The following TOGARAM2 variants were observed in gnomAD, a reference collection of about 807,000 sequenced individuals.
The protein encoded by TOGARAM2 is TOG array regulator of axonemal microtubules 2, also known as TOG array regulator of axonemal microtubules protein 2.
TOGARAM2 carries 85 observed loss-of-function variants against 93.3 expected under a neutral mutation model. The ratio of observed to expected loss-of-function variants is 0.91; its 90% CI spans 0.76 to 1.09. The LOEUF is 1.09. Ranked by LOEUF, TOGARAM2 falls within the 50% of genes least tolerant of loss-of-function variation. The probability of loss-of-function intolerance (pLI) is 0.00; values close to 1 mark genes in which losing one functional copy is unlikely to be tolerated. For missense variants in TOGARAM2, 1,277 were observed against 1,334.5 expected, an observed-to-expected ratio of 0.96 and a Z score of 0.67; for synonymous variants, 593 against 552.8, an observed-to-expected ratio of 1.07 and a Z score of -1.02.
chr2:29,004,041 G>A (rs1210738514), intron 6 of TOGARAM2, among the ~76,000 whole-genome samples: 2 of 152,218 alleles, frequency 1.3e-5, no homozygotes, highest in African/African-American at 4.8e-5. Context: ...TGTCGCCCAG[G>A]CTGGAGTGCA....
upstream of TOGARAM2, among the ~76,000 whole-genome samples, chr2:28,979,321 C>G (rs551906381): frequency 5.9e-5 from 9 of 152,302 alleles, no homozygotes; most frequent in African/African-American, 2.2e-4. Context: ...TGCTCTGTGC[C>G]TGGCGGGCAC....
In TOGARAM2 at chr2:29,033,498, T is replaced by A. The variant is rs1665900987; in HGVS notation, c.2160T>A (p.Ser720=). ...TAGAAGATAATGATGAACTTCCCTC[T>A]GCCAAAGGCCGCAAGGTGTTGAGGA... ...QGIEDNDELP[S]AKGRKVLRSL... Residue 720 remains serine, a synonymous_variant, in exon 16 of 20, where the codon TCT becomes TCA. Coordinates refer to ENST00000379558, the MANE Select transcript of TOGARAM2 (RefSeq NM_199280.4). 21 of 1,613,636 alleles carry A rather than the reference T, an allele frequency of 1.3e-5. No individual in the cohort carries two copies. Among genetic ancestry groups the A allele is most frequent in the Non-Finnish European group, 1.7e-5 (20 of 1,179,820 alleles).
intron 8 of TOGARAM2, among the ~76,000 whole-genome samples, chr2:29,014,862 A>C (rs1022017352): frequency 1.3e-5 from 2 of 152,144 alleles, no homozygotes; most frequent in Non-Finnish European, 2.9e-5. Context: ...GAGGTTGCAC[A>C]GGGCTCACGA....
chr2:28,962,453 C>A (rs151290890), intron 1 of TOGARAM2, among the ~76,000 whole-genome samples: 19 of 152,194 alleles, frequency 1.2e-4, no homozygotes, highest in African/African-American at 4.6e-4. Flanking sequence ...GGATTATAGG[C>A]GTGAACCACC....
At chr2:28,976,099 G>A (rs1425786425) in intron 1 of TOGARAM2, among the ~76,000 whole-genome samples, 2 of 152,094 alleles carry the variant, frequency 1.3e-5, no homozygotes, top group African/African-American at 4.8e-5. Context: ...GGCCAGGTGT[G>A]GCGGCTCACG....
intron 1 of TOGARAM2, among the ~76,000 whole-genome samples, chr2:28,983,219 T>G (rs1672309359): frequency 1.5e-4 from 13 of 87,248 alleles, no homozygotes; most frequent in Non-Finnish European, 1.9e-4. Flanking sequence ...TTTTTTTTTT[T>G]TTTTTTTGTA....
intron 17 of TOGARAM2, 33 bp from the exon 18 acceptor site, chr2:29,036,508 C>G (rs1413869039): frequency 1.9e-6 from 3 of 1,610,770 alleles, no homozygotes. Flanking sequence ...AGCCTGGGTT[C>G]CCATGGGCTC....
chr2:28,990,257 G>A (rs1202128534), intron 1 of TOGARAM2, among the ~76,000 whole-genome samples: 1 of 152,188 alleles, frequency 6.6e-6, no homozygotes, highest in Non-Finnish European at 1.5e-5. Context: ...CAGAGGCTGG[G>A]CTGACATCTC....
At chr2:29,012,367 A>G (rs565709232) in intron 7 of TOGARAM2, among the ~76,000 whole-genome samples, 2 of 152,312 alleles carry the variant, frequency 1.3e-5, no homozygotes, top group Admixed American at 6.5e-5. Flanking sequence ...CCTGGGATCA[A>G]GACACAAAGC....
chr2:28,983,308 G>A (rs1016335914), intron 1 of TOGARAM2, among the ~76,000 whole-genome samples: 4 of 127,336 alleles, frequency 3.1e-5, no homozygotes, highest in African/African-American at 9.2e-5. Context: ...GCCTCCCAAA[G>A]TGCTGGGATC....
intron 1 of TOGARAM2, among the ~76,000 whole-genome samples, chr2:28,984,940 G>C (rs186593978): frequency 6.6e-6 from 1 of 152,202 alleles, no homozygotes; most frequent in African/African-American, 2.4e-5. Flanking sequence ...CCTGCTGAAG[G>C]CCTTGCCAGC....
At chr2:29,006,841 C>T (rs545210824) in intron 6 of TOGARAM2, among the ~76,000 whole-genome samples, 23 of 152,282 alleles carry the variant, frequency 1.5e-4, no homozygotes, top group South Asian at 2.1e-4. Context: ...CCCACTCAGA[C>T]GCTGGCCTCT....
Position 29,024,920 on chromosome 2 carries a change from G to A in TOGARAM2, c.1853+546G>A, listed in dbSNP as rs74481848. On this transcript the variant is annotated intron_variant, in intron 13 of 19. Transcript: ENST00000379558. The stretch of plus-strand genomic sequence containing the variant: ...CCCCACTGGACCTGCTCCTGGGGAG[G>A]GGAAGGTATTGGGTTCCTGTTGGAG... Among the ~76,000 whole-genome samples, 1,050 of 152,304 alleles carry A rather than the reference G, an allele frequency of 6.9e-3. 10 individuals are homozygous for A. Among genetic ancestry groups the A allele is most frequent in the Middle Eastern group, 0.014 (4 of 294 alleles).
chr2:29,048,698 A>G (rs1666889964), intron 19 of TOGARAM2: 1 of 132,226 alleles, frequency 7.6e-6, no homozygotes, highest in Non-Finnish European at 1.6e-5. Context: ...TTTTTTTTTC[A>G]GAGAGATTCT....
intron 7 of TOGARAM2, among the ~76,000 whole-genome samples, chr2:29,014,053 G>A (rs895588): frequency 0.41 from 62,726 of 152,040 alleles, 15,437 homozygotes; most frequent in Non-Finnish European, 0.54. Flanking sequence ...CCTGCCGTAC[G>A]TACCTCCCAG....
At chr2:29,029,094 A>G (rs1034068570) in intron 14 of TOGARAM2, among the ~76,000 whole-genome samples, 2 of 152,234 alleles carry the variant, frequency 1.3e-5, no homozygotes, top group African/African-American at 4.8e-5. Context: ...CGATCCTGCA[A>G]TCCCACTACT....
rs75466726 is a variant in TOGARAM2, at chr2:29,011,611, G to T, written c.877+110G>T. On this transcript the variant is annotated intron_variant, in intron 7 of 19. Coordinates refer to ENST00000379558, the MANE Select transcript of TOGARAM2 (RefSeq NM_199280.4). ...AGGAGATCTGAGAGCTCTTGTGTCTGGGCCCTTCATTTCACAGCAGGAAGC... is the reference window on the plus strand; with the variant it reads ...AGGAGATCTGAGAGCTCTTGTGTCTTGGCCCTTCATTTCACAGCAGGAAGC... The T allele has an allele frequency of 4.9e-4, 546 of 1,110,314 alleles. 3 individuals are homozygous for T. In the African/African-American group the frequency reaches 8.1e-3, roughly 17 times the overall value. The allele number at this position is 1,110,314 out of a possible 1,614,324, so 68.8% of individuals were successfully genotyped here. A position where few individuals can be genotyped will look rare whatever the true frequency, so the allele number is the denominator to read the frequency against.
At chr2:28,964,108 G>C (rs920739929) in intron 1 of TOGARAM2, among the ~76,000 whole-genome samples, 3 of 152,134 alleles carry the variant, frequency 2.0e-5, no homozygotes, top group African/African-American at 7.2e-5. Flanking sequence ...TCTACTTTTT[G>C]TATCTACTTC....
chr2:28,999,547 A>G, intron 4 of TOGARAM2, 79 bp downstream of exon 4: 1 of 1,459,054 alleles, frequency 6.9e-7, no homozygotes, highest in Non-Finnish European at 9.1e-7. Flanking sequence ...TGTGAGGGTC[A>G]GCAGGCTTCC....
Sources: gnomAD v4.1 joint callset for allele counts (sites outside exome capture counted in the v4.1 genomes callset) on GRCh38, gnomAD v4.1.1 for gene constraint, MANE v1.5 for transcripts, NCBI Gene and HGNC (gene_info 2026-07-23, HGNC 2026-07-21) for gene names.